SENP2: variants seen among roughly 807,000 people sequenced by gnomAD.
The protein encoded by SENP2 is SUMO specific peptidase 2.
Under a neutral mutation model 86.3 loss-of-function variants are expected in SENP2, and 16 were observed. That is an observed-to-expected ratio of 0.19 (90% CI 0.13 to 0.28). The LOEUF is 0.28. SENP2 is among the 10% of genes least tolerant of loss of function. The pLI, the probability that SENP2 is intolerant of heterozygous loss-of-function variation, is 1.00. For missense variants in SENP2, 552 were observed against 703.0 expected (o/e 0.79, Z 2.43); for synonymous variants, 222 against 238.7 (o/e 0.93, Z 0.64).
intron 5 of SENP2, among the ~76,000 whole-genome samples, chr3:185,603,301 C>T (rs1470471737): frequency 1.3e-5 from 2 of 152,160 alleles, no homozygotes; most frequent in Non-Finnish European, 2.9e-5. Context: ...AAGTTGCCAG[C>T]AGTTGGACAA....
chr3:185,587,534 C>A, intron 1 of SENP2, among the ~76,000 whole-genome samples: 1 of 149,208 alleles, frequency 6.7e-6, no homozygotes, highest in Non-Finnish European at 1.5e-5. Context: ...TATACAAATT[C>A]TATGCCCCCT....
chr3:185,588,703 G>A (rs1283725358), intron 1 of SENP2, among the ~76,000 whole-genome samples: 2 of 152,118 alleles, frequency 1.3e-5, no homozygotes, highest in East Asian at 1.9e-4. Context: ...GTTGATATAA[G>A]GATCATTTGA....
At chr3:185,592,124 G>T (rs1722029117) in intron 2 of SENP2, among the ~76,000 whole-genome samples, 2 of 144,206 alleles carry the variant, frequency 1.4e-5, no homozygotes, top group East Asian at 2.1e-4. Context: ...TGTTGCCCAG[G>T]CTTCAGTGCA....
intron 5 of SENP2, 44 bp downstream of exon 5, chr3:185,600,899 T>C: frequency 7.5e-7 from 1 of 1,330,450 alleles, no homozygotes; most frequent in Non-Finnish European, 1.1e-6. Context: ...TAGCATTTAT[T>C]AGGTGCTCAC....
intron 5 of SENP2, among the ~76,000 whole-genome samples, chr3:185,601,901 G>T (rs1382080351): frequency 1.3e-5 from 2 of 152,138 alleles, no homozygotes; most frequent in African/African-American, 4.8e-5. Flanking sequence ...GCCTCTCAAA[G>T]TGCTGGGATT....
chr3:185,607,522 T>A (rs187675410), intron 6 of SENP2, among the ~76,000 whole-genome samples: 84 of 151,476 alleles, frequency 5.5e-4, no homozygotes, highest in African/African-American at 2.0e-3. Flanking sequence ...TAGAGATGAG[T>A]TTTCACCACG....
chr3:185,587,995 T>C (rs1287640361), intron 1 of SENP2, among the ~76,000 whole-genome samples: 11 of 144,402 alleles, frequency 7.6e-5, no homozygotes, highest in African/African-American at 2.9e-4. Flanking sequence ...CGCCTCAGCC[T>C]CCCAAAGTGC....
chr3:185,625,971 A>C (rs753960615), intron 15 of SENP2, among the ~76,000 whole-genome samples: 1 of 152,102 alleles, frequency 6.6e-6, no homozygotes, highest in Non-Finnish European at 1.5e-5. Flanking sequence ...ACTCCATCTC[A>C]TAGTTAGGGT....
chr3:185,629,670 C>T (rs1407433288), intron 16 of SENP2, 112 bp from the exon 17 acceptor site: 7 of 984,092 alleles, frequency 7.1e-6, no homozygotes, highest in South Asian at 2.7e-5. Flanking sequence ...AAAATGTCAA[C>T]ACTTAGAAAA....
intron 1 of SENP2, 25 bp from the exon 2 acceptor site, chr3:185,590,089 A>AT (rs772325430): frequency 1.9e-4 from 247 of 1,312,514 alleles, no homozygotes; most frequent in South Asian, 3.5e-4. Context: ...CTATATATAT[A>AT]TATTTTTTTC....
rs556828953 is a variant in SENP2 at position 185,586,658 on chromosome 3, G to C, written c.101+144G>C. On this transcript the variant is annotated intron_variant, in intron 1 of 16. Transcript: ENST00000296257. The surrounding 1 kb of genome is among the most constrained non-coding windows in gnomAD (Gnocchi z 4.3). ...GTGACGTAGTCGCTCCCGCCAGGCT[G>C]TAGGGAGGCAGCTCCTGATGAAGGA... The C allele has an allele frequency of 4.1e-6, 3 of 724,796 alleles. No individual in the cohort carries two copies. The African/African-American group carries it at 5.3e-5, about 13-fold the overall frequency. 44.9% of individuals were successfully genotyped at this position (724,796 alleles called of 1,614,324 possible). A position where few individuals can be genotyped will look rare whatever the true frequency, so the allele number is the denominator to read the frequency against.
intron 5 of SENP2, among the ~76,000 whole-genome samples, chr3:185,605,525 A>G (rs1411265368): frequency 6.6e-6 from 1 of 152,178 alleles, no homozygotes; most frequent in East Asian, 1.9e-4. Context: ...CCAGTGCAGG[A>G]TTGTGTATTG....
intron 1 of SENP2, among the ~76,000 whole-genome samples, chr3:185,588,073 T>TGG (rs1721857204): frequency 7.6e-6 from 1 of 131,088 alleles, no homozygotes; most frequent in East Asian, 2.2e-4. Context: ...TTTTTTTTTT[T>TGG]TTGAGGCGGA....
At chr3:185,615,639 C>T (rs1421727530) in intron 11 of SENP2, among the ~76,000 whole-genome samples, 12 of 151,972 alleles carry the variant, frequency 7.9e-5, no homozygotes, top group African/African-American at 2.4e-4. Context: ...CCACTGCCCC[C>T]GGCCTAGAGG....
In SENP2 at chr3:185,598,039, G is replaced by T. The variant is rs371224201; in HGVS notation, c.158-373G>T. On this transcript the variant is annotated intron_variant, in intron 2 of 16. Transcript: ENST00000296257. Reference sequence around the variant, plus strand: ...TAAATTTTTGTTTTTCAGAGACAGAGTCTCACTCTGTTGCCCAGGCTGGAG... The same window carrying T: ...TAAATTTTTGTTTTTCAGAGACAGATTCTCACTCTGTTGCCCAGGCTGGAG... 2.6e-5 allele frequency among the ~76,000 whole-genome samples: 4 copies of T among 151,634 alleles called. No individual in the cohort carries two copies. The East Asian group carries it at 7.8e-4, about 30-fold the overall frequency.
chr3:185,619,592 A>C (rs1711761418), intron 13 of SENP2, 90 bp downstream of exon 13: 1 of 949,792 alleles, frequency 1.1e-6, no homozygotes, highest in African/African-American at 1.6e-5. Context: ...CTGTGTATAG[A>C]GGCCAATAGT....
intron 13 of SENP2, among the ~76,000 whole-genome samples, chr3:185,621,096 G>A (rs1401638409): frequency 6.9e-6 from 1 of 144,024 alleles, no homozygotes; most frequent in Middle Eastern, 3.4e-3. Context: ...GGTCGAGGCT[G>A]CAGTGAGCCG....
Position 185,617,470 on chromosome 3 carries a change from T to C in SENP2, c.1111-10T>C. ...TATTAAAATAGCAACTTCTGAACTT[T>C]CTAATTCAGGACATGGAAAAGGAAA... is the stretch of plus-strand genomic sequence containing the variant. On this transcript the variant is annotated splice_polypyrimidine_tract_variant and intron_variant, in intron 11 of 16. Coordinates refer to ENST00000296257, the MANE Select transcript of SENP2 (RefSeq NM_021627.3). The C allele has an allele frequency of 1.2e-6, 2 of 1,600,424 alleles. No homozygotes were observed. Among genetic ancestry groups the C allele is most frequent in the Non-Finnish European group, 1.7e-6 (2 of 1,173,652 alleles).
chr3:185,628,793 A>T (rs937323451), intron 16 of SENP2, among the ~76,000 whole-genome samples: 2 of 152,220 alleles, frequency 1.3e-5, no homozygotes, highest in African/African-American at 4.8e-5. Flanking sequence ...GGCGTGAGCC[A>T]CCGCGCCTGG....
Sources: allele counts gnomAD v4.1 joint callset (sites outside exome capture counted in the v4.1 genomes callset), GRCh38; gene constraint gnomAD v4.1.1; non-coding constraint Gnocchi (gnomAD v3.1); transcripts MANE v1.5; gene names NCBI Gene and HGNC (gene_info 2026-07-23, HGNC 2026-07-21).